Variants in TCHP observed in about 807,000 individuals in gnomAD.
The protein encoded by TCHP is trichoplein keratin filament binding.
TCHP carries 81 observed loss-of-function variants against 88.7 expected under a neutral mutation model. That is an observed-to-expected ratio of 0.91 (90% confidence interval 0.76 to 1.10). The LOEUF is 1.10. TCHP is among the 50% of genes least tolerant of loss of function. The pLI is 0.00. For synonymous variants in TCHP, 232 were observed against 232.5 expected, an observed-to-expected ratio of 1.00 and a Z score of 0.02; for missense variants, 641 against 632.1, an observed-to-expected ratio of 1.01 and a Z score of -0.15.
At chr12:109,900,196 C>G (rs1427378032), upstream of TCHP, 1 of 152,286 alleles carries the variant, frequency 6.6e-6, no homozygotes, top group African/African-American at 2.4e-5. Context: ...TATTTATCTC[C>G]CGCTGGCCAC....
chr12:109,889,988 T>C, the TCHP span, among the ~76,000 whole-genome samples: 2 of 152,258 alleles, frequency 1.3e-5, no homozygotes, highest in African/African-American at 4.8e-5. Context: ...GCCCACTTGC[T>C]GTCATCCCAG....
upstream of TCHP, among the ~76,000 whole-genome samples, chr12:109,896,786 G>T (rs1215396891): frequency 6.6e-6 from 1 of 152,088 alleles, no homozygotes; most frequent in African/African-American, 2.4e-5. Context: ...GTGGTGGCGG[G>T]CACCTGTAAT....
chr12:109,892,197 C>T, the TCHP span, among the ~76,000 whole-genome samples: 1 of 152,058 alleles, frequency 6.6e-6, no homozygotes, highest in South Asian at 2.1e-4. Flanking sequence ...AAAAAAAAAT[C>T]ATTTATTTAA....
In TCHP at chr12:109,900,374, C is replaced by G. The variant is rs1415077628; in HGVS notation, c.-53C>G. 1 of 152,252 alleles carries G rather than the reference C, an allele frequency of 6.6e-6. No homozygotes were observed. The allele number at this position is 152,252 out of a possible 1,614,324, so 9.4% of individuals were successfully genotyped here. A position where few individuals can be genotyped will look rare whatever the true frequency, so the allele number is the denominator to read the frequency against. ...GGGGACTGGCCGGCCCGCTTCGTGC[C>G]TGCGGGAAGTCGGGCCGGGGGACTC... is the stretch of plus-strand genomic sequence containing the variant. On this transcript the variant is annotated 5_prime_UTR_variant, in exon 1 of 13. Transcript: ENST00000405876.
chr12:109,882,472 CA>C, the TCHP span, among the ~76,000 whole-genome samples: 18 of 146,952 alleles, frequency 1.2e-4, no homozygotes, highest in African/African-American at 4.5e-4. Flanking sequence ...GGCACATGAG[CA>C]AAAGCCTTAA....
At position 109,905,404 on chromosome 12, in the gene TCHP, C is replaced by A. The variant is rs761983629; in HGVS notation, c.456+611C>A. ...TCGGAAGAGCTTGTGTGACCTTCCT[C>A]CAAAGGGGCTGGGGGCAGCATACAG... On this transcript the variant is annotated intron_variant, in intron 4 of 12. Coordinates refer to ENST00000405876, the MANE Select transcript of TCHP (RefSeq NM_001143852.2). The surrounding 1 kb of genome is among the most constrained non-coding windows in gnomAD (Gnocchi z 4.0). 2.6e-5 allele frequency among the ~76,000 whole-genome samples: 4 copies of A among 152,058 alleles called. No homozygotes were observed. The highest frequency in any genetic ancestry group is 5.9e-5 in the Non-Finnish European group (4 of 68,010).
rs1592908338 is a variant in TCHP at position 109,906,553 on chromosome 12, G to GTCC, written c.457-18_457-16dup. 5.0e-6 allele frequency: 8 copies of GTCC among 1,612,238 alleles called. No homozygotes were observed. In the East Asian group the frequency reaches 1.8e-4, roughly 36 times the overall value. Reference sequence around the variant, plus strand: ...TCTGTCTGGTGAGGAAATTCACATCGTCCCCCTTCCATCCTCAGATGGAGC... The same window carrying GTCC: ...TCTGTCTGGTGAGGAAATTCACATCGTCCTCCCCCTTCCATCCTCAGATGGAGC... On this transcript the variant is annotated intron_variant, in intron 4 of 12. Transcript: ENST00000405876.
chr12:109,909,384 G>A (rs917845436), intron 8 of TCHP, among the ~76,000 whole-genome samples: 3 of 152,184 alleles, frequency 2.0e-5, no homozygotes, highest in Non-Finnish European at 4.4e-5. Flanking sequence ...TGCAATCTCT[G>A]TCTATCCCCA....
the TCHP span, among the ~76,000 whole-genome samples, chr12:109,890,612 C>G: frequency 6.6e-6 from 1 of 151,584 alleles, no homozygotes; most frequent in African/African-American, 2.4e-5. Context: ...CAGGTTCGAG[C>G]GATTCTCCCA....
At position 109,907,529 on chromosome 12, in the gene TCHP, G is replaced by T. The variant is rs1223174308; in HGVS notation, c.529G>T (p.Glu177Ter). 3.1e-6 allele frequency: 5 copies of T among 1,614,002 alleles called. No individual in the cohort carries two copies. The African/African-American group carries it at 5.3e-5, about 17-fold the overall frequency. The change falls in exon 6 of 13, where the codon GAA (glutamate) becomes TAA (stop). Residue 177 changes from glutamate (E) to a stop codon, truncating the protein, a stop_gained. Transcript: ENST00000405876. LOFTEE classifies it high-confidence loss of function. Reference protein sequence around the residue: ...EMQKEEKKQQEATAEQENKRY... With the variant: ...EMQKEEKKQQ ...GTGTTCATTTGGTCCCTTGTAGCAA[G>T]AAGCCACCGCAGAGCAAGAGAACAA...
intron 10 of TCHP, among the ~76,000 whole-genome samples, chr12:109,913,562 C>G (rs1346085005): frequency 6.6e-6 from 1 of 152,192 alleles, no homozygotes; most frequent in Non-Finnish European, 1.5e-5. Flanking sequence ...GAGGCTCTTC[C>G]CACACGTTTC....
rs1184714210 is a variant in TCHP at position 109,900,306 on chromosome 12, G to C, written c.-121G>C. The stretch of plus-strand genomic sequence containing the variant: ...GGCTCGTTGCCGGTGCAAACAGGGA[G>C]GAAACAGCCGGCGTTGCTGTAGCGC... On this transcript the variant is annotated 5_prime_UTR_variant, in exon 1 of 13. Transcript: ENST00000405876. The C allele has an allele frequency of 6.6e-6, 1 of 152,228 alleles. No individual in the cohort carries two copies. Among genetic ancestry groups the C allele is most frequent in the African/African-American group, 2.4e-5 (1 of 41,460 alleles). 9.4% of individuals were successfully genotyped at this position (152,228 alleles called of 1,614,324 possible). A position where few individuals can be genotyped will look rare whatever the true frequency, so the allele number is the denominator to read the frequency against.
rs538299810 is a variant in TCHP, at chr12:109,917,244, G to A, written c.*621G>A. The A allele has an allele frequency of 6.6e-6, 1 of 152,162 alleles. No homozygotes were observed. Among genetic ancestry groups the A allele is most frequent in the African/African-American group, 2.4e-5 (1 of 41,416 alleles). 9.4% of individuals were successfully genotyped at this position (152,162 alleles called of 1,614,324 possible). A position where few individuals can be genotyped will look rare whatever the true frequency, so the allele number is the denominator to read the frequency against. On this transcript the variant is annotated 3_prime_UTR_variant, in exon 13 of 13. Transcript: ENST00000405876. ...AAGAGATGAGTCTTTCCTCCTCCAG[G>A]AAGCATTTTGGTAGAATTTCCATAG...
upstream of TCHP, among the ~76,000 whole-genome samples, chr12:109,899,853 C>T (rs1040660395): frequency 4.6e-5 from 7 of 151,956 alleles, no homozygotes; most frequent in African/African-American, 1.4e-4. Flanking sequence ...GGCTGGAGTG[C>T]AGTGGCACAG....
the TCHP span, among the ~76,000 whole-genome samples, chr12:109,895,205 CTTT>C: frequency 5.2e-4 from 68 of 130,218 alleles, no homozygotes; most frequent in Admixed American, 1.6e-4. Context: ...TCAAGAATTA[CTTT>C]TTTTTTTTTT....
At chr12:109,891,283 G>A in the TCHP span, among the ~76,000 whole-genome samples, 7 of 152,042 alleles carry the variant, frequency 4.6e-5, no homozygotes, top group East Asian at 7.7e-4. Flanking sequence ...TGTAACTTTC[G>A]CTTATTTTTA....
At chr12:109,891,898 C>G in the TCHP span, among the ~76,000 whole-genome samples, 1 of 151,702 alleles carries the variant, frequency 6.6e-6, no homozygotes, top group African/African-American at 2.4e-5. Context: ...TTAGTAGAGA[C>G]GGGGTTTCAC....
rs201862334 is a variant in TCHP at position 109,912,955 on chromosome 12, G to A, written c.1053-36G>A. 1.6e-5 allele frequency: 26 copies of A among 1,597,308 alleles called. No homozygotes were observed. The East Asian group carries it at 2.0e-4, about 12-fold the overall frequency. On this transcript the variant is annotated intron_variant, in intron 9 of 12. Coordinates refer to ENST00000405876, the MANE Select transcript of TCHP (RefSeq NM_001143852.2). ...GTAGCTCGCTTCCTGCCAGGGCGGG[G>A]AGGAGCCTGCTGTCATCCCTTTTGT...
the TCHP span, among the ~76,000 whole-genome samples, chr12:109,894,755 A>C: frequency 6.9e-6 from 1 of 144,170 alleles, no homozygotes; most frequent in African/African-American, 2.7e-5. Flanking sequence ...ACAAGAGCGA[A>C]ACTCTGTCCC....
Sources: allele counts gnomAD v4.1 joint callset (sites outside exome capture counted in the v4.1 genomes callset), GRCh38; gene constraint gnomAD v4.1.1; non-coding constraint Gnocchi (gnomAD v3.1); transcripts MANE v1.5; gene names NCBI Gene and HGNC (gene_info 2026-07-23, HGNC 2026-07-21).